IL27RA: variants seen among roughly 807,000 people sequenced by gnomAD.
IL27RA encodes the protein interleukin-27 receptor subunit alpha.
Under a neutral mutation model 80.8 loss-of-function variants are expected in IL27RA, and 61 were observed. The observed-to-expected ratio is 0.76, with a 90% CI of 0.61 to 0.93. The LOEUF (loss-of-function observed/expected upper bound fraction) is 0.93. Ranked by LOEUF, IL27RA falls within the 40% of genes least tolerant of loss-of-function variation. The probability of loss-of-function intolerance (pLI) is 0.00; values close to 1 mark genes in which losing one functional copy is unlikely to be tolerated. For missense variants in IL27RA, 735 were observed against 808.1 expected, an observed-to-expected ratio of 0.91 and a Z score of 1.10; for synonymous variants, 316 against 332.5, an observed-to-expected ratio of 0.95 and a Z score of 0.54.
At position 14,039,823 on chromosome 19, in the gene IL27RA, C is replaced by G; in HGVS notation, c.447C>G (p.Val149=). 3.1e-6 allele frequency: 5 copies of G among 1,614,150 alleles called. No homozygotes were observed. The highest frequency in any genetic ancestry group is 4.2e-6 in the Non-Finnish European group (5 of 1,179,994). Residue 149 remains valine, a synonymous_variant, in exon 4 of 14, where the codon GTC becomes GTG. Transcript: ENST00000263379. ...AGGATGACCCCCTGGAGGCCACTGT[C>G]CATTGGGCCCCACCTACATGGCCAT... ...FSEDDPLEAT[V]HWAPPTWPSH...
At chr19:14,046,066 C>G in intron 6 of IL27RA, 88 bp from the exon 7 acceptor site, 2 of 1,253,094 alleles carry the variant, frequency 1.6e-6, no homozygotes, top group South Asian at 2.8e-5. Context: ...GCTTCACTGA[C>G]CGGTGGTTTA....
chr19:14,032,116 G>A (rs1434182104), intron 1 of IL27RA, 144 bp downstream of exon 1: 1 of 795,378 alleles, frequency 1.3e-6, no homozygotes, highest in Non-Finnish European at 2.0e-6. Flanking sequence ...CAGGGACCCG[G>A]CGACACTGGG....
intron 2 of IL27RA, among the ~76,000 whole-genome samples, chr19:14,038,889 GAA>G (rs371517796): frequency 2.0e-5 from 2 of 101,008 alleles, no homozygotes; most frequent in Non-Finnish European, 4.3e-5. Context: ...TGTCTCAAAA[GAA>G]AAAAAAAAGA....
Position 14,039,833 on chromosome 19 carries a change from C to A in IL27RA, c.457C>A (p.Pro153Thr), listed in dbSNP as rs1975964544. The A allele has an allele frequency of 6.2e-7, 1 of 1,614,166 alleles. No individual in the cohort carries two copies. The highest frequency in any genetic ancestry group is 8.5e-7 in the Non-Finnish European group (1 of 1,180,018). ...CCTGGAGGCCACTGTCCATTGGGCC[C>A]CACCTACATGGCCATCTCATAAAGT... The part of the protein sequence containing the change: ...DPLEATVHWA[P>T]PTWPSHKVLI... Residue 153 changes from proline to threonine, a missense_variant, in exon 4 of 14, where the codon CCA becomes ACA. Pro to Thr is a conservative substitution (Grantham distance 38). Coordinates refer to ENST00000263379, the MANE Select transcript of IL27RA (RefSeq NM_004843.4).
intron 2 of IL27RA, among the ~76,000 whole-genome samples, chr19:14,034,828 C>A (rs1429894047): frequency 1.3e-5 from 2 of 151,592 alleles, no homozygotes; most frequent in Admixed American, 1.3e-4. Flanking sequence ...TGGCTGGCGC[C>A]TGTAGTCCCA....
chr19:14,039,938 C>G, intron 4 of IL27RA, 28 bp downstream of exon 4: 1 of 1,609,902 alleles, frequency 6.2e-7, no homozygotes, highest in African/African-American at 1.3e-5. Flanking sequence ...TTTCTCCCCA[C>G]CCTATTCCGG....
Position 14,050,848 on chromosome 19 carries a change from GC to G in IL27RA, c.1496del (p.Pro499LeufsTer15). 1 of 1,613,034 alleles carries G rather than the reference GC, an allele frequency of 6.2e-7. No individual in the cohort carries two copies. The highest frequency in any genetic ancestry group is 8.5e-7 in the Non-Finnish European group (1 of 1,179,206). The stretch of plus-strand genomic sequence containing the variant: ...ACAGCATCTACCATCGCTGGACAGG[GC>G]CCTCCTGGTCCCATCCTCCGGCTTC... ...WVTASTIAGQGPPGPILRLHL... is the reference protein window; with the variant it reads ...WVTASTIAGQXPPGPILRLHL... On this transcript the variant is annotated frameshift_variant, in exon 11 of 14. Transcript: ENST00000263379. LOFTEE classifies it high-confidence loss of function.
chr19:14,044,248 T>C (rs1008439370), intron 6 of IL27RA, among the ~76,000 whole-genome samples: 1 of 151,842 alleles, frequency 6.6e-6, no homozygotes, highest in Non-Finnish European at 1.5e-5. Context: ...TTTATTTATT[T>C]ATGTATTTGA....
chr19:14,052,266 C>T lies in IL27RA; in HGVS notation c.1887C>T (p.Pro629=), dbSNP rs1186154797. 1 of 1,535,634 alleles carries T rather than the reference C, an allele frequency of 6.5e-7. No homozygotes were observed. The highest frequency in any genetic ancestry group is 8.7e-7 in the Non-Finnish European group (1 of 1,144,196). Reference sequence around the variant, plus strand: ...CTGAGGAGCTGGGCCTTCTGGGGCCCCCCAGGCCACAGGTTCTGGCCTGAA... The same window carrying T: ...CTGAGGAGCTGGGCCTTCTGGGGCCTCCCAGGCCACAGGTTCTGGCCTGAA... ...PTPEELGLLG[P]PRPQVLA Residue 629 remains proline (P), a synonymous_variant, in exon 14 of 14, where the codon CCC becomes CCT. Coordinates refer to ENST00000263379, the MANE Select transcript of IL27RA (RefSeq NM_004843.4).
intron 2 of IL27RA, among the ~76,000 whole-genome samples, chr19:14,038,364 C>T (rs1310216460): frequency 1.3e-5 from 2 of 151,840 alleles, no homozygotes; most frequent in South Asian, 4.2e-4. Flanking sequence ...TGCTTGAGGC[C>T]AAGAGTTAGA....
intron 2 of IL27RA, among the ~76,000 whole-genome samples, chr19:14,032,763 G>T (rs1975839105): frequency 7.4e-6 from 1 of 135,042 alleles, no homozygotes; most frequent in Non-Finnish European, 1.5e-5. Context: ...CCCAGATCTC[G>T]CCACTGCACT....
At position 14,049,158 on chromosome 19, in the gene IL27RA, C is replaced by A; in HGVS notation, c.1246C>A (p.Pro416Thr). 1 of 1,613,856 alleles carries A rather than the reference C, an allele frequency of 6.2e-7. No individual in the cohort carries two copies. The highest frequency in any genetic ancestry group is 8.5e-7 in the Non-Finnish European group (1 of 1,179,844). Residue 416 changes from proline (P) to threonine (T), a missense_variant and splice_region_variant, in exon 10 of 14, where the codon CCC becomes ACC. Transcript: ENST00000263379. ...SVWGFREELA[P>T]LVGPTLWRLQ... Reference sequence around the variant, plus strand: ...TGACCTACTGCCTTCCTCCCCAGCACCCCTAGTGGGGCCAACGCTTTGGCG... The same window carrying A: ...TGACCTACTGCCTTCCTCCCCAGCAACCCTAGTGGGGCCAACGCTTTGGCG...
intron 6 of IL27RA, among the ~76,000 whole-genome samples, chr19:14,045,866 A>T (rs1976056787): frequency 6.6e-6 from 1 of 151,552 alleles, no homozygotes; most frequent in Admixed American, 6.6e-5. Flanking sequence ...CTCTACTAAA[A>T]ATACAAAAAT....
chr19:14,046,379 G>A (rs1387577895), intron 7 of IL27RA, 42 bp downstream of exon 7: 7 of 1,613,752 alleles, frequency 4.3e-6, no homozygotes, highest in Middle Eastern at 1.6e-4. Flanking sequence ...CCCTGGAGGG[G>A]TGGGAAGTGA....
intron 2 of IL27RA, among the ~76,000 whole-genome samples, chr19:14,037,708 G>A (rs1354865577): frequency 1.3e-5 from 2 of 152,118 alleles, no homozygotes; most frequent in African/African-American, 4.8e-5. Flanking sequence ...CTCAGGCTGG[G>A]CGTGATGTCC....
Position 14,046,505 on chromosome 19 carries a change from C to T in IL27RA, c.1028C>T (p.Pro343Leu), listed in dbSNP as rs746068714. ...ACGGAGCTACTGGTGACCTGGCAAC[C>T]GGGGCCTGGGGAACCACTGGAGCAT... Reference protein sequence around the residue: ...GSTELLVTWQPGPGEPLEHVV... With the variant: ...GSTELLVTWQLGPGEPLEHVV... The change falls in exon 8 of 14, where the codon CCG (proline) becomes CTG (leucine). Residue 343 changes from proline (P) to leucine (L), a missense_variant. Physicochemically the swap from Pro to Leu is moderately conservative, Grantham distance 98 (BLOSUM62 -3). Coordinates refer to ENST00000263379, the MANE Select transcript of IL27RA (RefSeq NM_004843.4). 18 of 1,614,108 alleles carry T rather than the reference C, an allele frequency of 1.1e-5. No homozygotes were observed. Among genetic ancestry groups the T allele is most frequent in the Admixed American group, 3.3e-5 (2 of 59,998 alleles).
At position 14,035,551 on chromosome 19, in the gene IL27RA, A is replaced by C. The variant is rs866293435; in HGVS notation, c.218+3048A>C. On this transcript the variant is annotated intron_variant, in intron 2 of 13. Coordinates refer to ENST00000263379, the MANE Select transcript of IL27RA (RefSeq NM_004843.4). ...GTTGGGATTACAGGCACACGCCACC[A>C]CGCATGGCTAATTTTGTATTTTTAG... 4.6e-5 allele frequency among the ~76,000 whole-genome samples: 7 copies of C among 152,038 alleles called. No homozygotes were observed. In the Middle Eastern group the frequency reaches 0.014, roughly 296 times the overall value.
In IL27RA at chr19:14,049,301, C is replaced by A; in HGVS notation, c.1389C>A (p.Ser463=). 1 of 1,613,456 alleles carries A rather than the reference C, an allele frequency of 6.2e-7. No individual in the cohort carries two copies. Among genetic ancestry groups the A allele is most frequent in the Non-Finnish European group, 8.5e-7 (1 of 1,179,790 alleles). ...TLCAQSGTSP[S]VCMNVSGNTQ... is the part of the protein sequence containing the mutation. ...GTGCACAGAGTGGAACCAGCCCCTC[C>A]GTCTGCATGAATGGTGAGCTTCCCT... is the stretch of plus-strand genomic sequence containing the variant. Residue 463 remains serine (S), a synonymous_variant, in exon 10 of 14, where the codon TCC becomes TCA. Transcript: ENST00000263379.
chr19:14,049,035 C>T lies in IL27RA; in HGVS notation c.1196C>T (p.Ser399Leu), dbSNP rs148333746. Residue 399 changes from serine to leucine, a missense_variant, in exon 9 of 14, where the codon TCA (serine) becomes TTA (leucine). By Grantham distance (145) the Ser-to-Leu change is moderately radical. Coordinates refer to ENST00000263379, the MANE Select transcript of IL27RA (RefSeq NM_004843.4). ...ATCACTGTGACCGCAGTCTCTGCTT[C>T]AGGCTTGGCCTCTGCATCCTCCGTC... ...YRITVTAVSASGLASASSVWG... is the reference protein window; with the variant it reads ...YRITVTAVSALGLASASSVWG... 2.2e-5 allele frequency: 35 copies of T among 1,614,008 alleles called. No homozygotes were observed. The highest frequency in any genetic ancestry group is 2.9e-5 in the Non-Finnish European group (34 of 1,179,960).
Sources: gnomAD v4.1 joint callset for allele counts (sites outside exome capture counted in the v4.1 genomes callset) on GRCh38, gnomAD v4.1.1 for gene constraint, MANE v1.5 for transcripts, NCBI Gene and HGNC (gene_info 2026-07-23, HGNC 2026-07-21) for gene names.